STXBP5L: variants seen among roughly 807,000 people sequenced by gnomAD.
STXBP5L encodes the protein syntaxin-binding protein 5-like.
STXBP5L carries 65 observed loss-of-function variants against 144.5 expected under a neutral mutation model. That is an observed-to-expected ratio of 0.45 (90% CI 0.37 to 0.55). The LOEUF is 0.55. STXBP5L is among the 20% of genes least tolerant of loss of function. The pLI is 0.00. For synonymous variants in STXBP5L, 505 were observed against 469.6 expected (o/e 1.08, Z -0.97); for missense variants, 1,298 against 1,405.5 (o/e 0.92, Z 1.22).
intron 2 of STXBP5L, among the ~76,000 whole-genome samples, chr3:120,933,473 G>A (rs998386514): frequency 6.6e-6 from 1 of 151,906 alleles, no homozygotes; most frequent in Non-Finnish European, 1.5e-5. Flanking sequence ...CATAAATTGT[G>A]TGATATAAGA....
chr3:121,205,088 T>C (rs2048287057), intron 9 of STXBP5L, among the ~76,000 whole-genome samples: 1 of 152,252 alleles, frequency 6.6e-6, no homozygotes. Context: ...CAAGTATTTC[T>C]CTGTATGAAA....
At chr3:120,960,292 C>T (rs530897372) in intron 3 of STXBP5L, among the ~76,000 whole-genome samples, 2 of 117,646 alleles carry the variant, frequency 1.7e-5, no homozygotes, top group African/African-American at 3.0e-5. Flanking sequence ...GAAATAGGAA[C>T]ACTTTTACAC....
rs1455116418 is a variant in STXBP5L at position 121,257,663 on chromosome 3, G to A, written c.1832+330G>A. The stretch of plus-strand genomic sequence containing the variant: ...ATGTTTATGGGGTGTGATGGCTCAC[G>A]CCTGTATTCCCAACACTTTGGGAGG... On this transcript the variant is annotated intron_variant, in intron 17 of 26. Transcript: ENST00000471454. Among the ~76,000 whole-genome samples the A allele has an allele frequency of 2.6e-5, 4 of 152,158 alleles. 1 individual carries two copies. The highest frequency in any genetic ancestry group is 4.1e-4 in the South Asian group (2 of 4,832).
chr3:120,933,892 C>G (rs1318624095), intron 2 of STXBP5L, among the ~76,000 whole-genome samples: 1 of 151,816 alleles, frequency 6.6e-6, no homozygotes, highest in Non-Finnish European at 1.5e-5. Context: ...TTAAAAAAAT[C>G]TCCTTTATCT....
chr3:121,416,716 G>A (rs1431497409), intron 25 of STXBP5L, among the ~76,000 whole-genome samples: 3 of 151,710 alleles, frequency 2.0e-5, no homozygotes, highest in Non-Finnish European at 4.4e-5. Context: ...TGTTGGCTAG[G>A]TTGGTCTTGG....
chr3:121,091,716 G>T (rs1209330528), intron 5 of STXBP5L, among the ~76,000 whole-genome samples: 5 of 152,060 alleles, frequency 3.3e-5, no homozygotes, highest in East Asian at 3.9e-4. Context: ...TTTCTCCCAT[G>T]TTGTAGGTTG....
intron 3 of STXBP5L, among the ~76,000 whole-genome samples, chr3:121,011,938 C>T (rs2108139099): frequency 6.6e-6 from 1 of 151,902 alleles, no homozygotes; most frequent in African/African-American, 2.4e-5. Flanking sequence ...GAAAGAAACT[C>T]TGTACCTATT....
chr3:121,107,483 C>G (rs2107801580), intron 5 of STXBP5L, among the ~76,000 whole-genome samples: 1 of 152,218 alleles, frequency 6.6e-6, no homozygotes, highest in South Asian at 2.1e-4. Flanking sequence ...ATCCTTTCCC[C>G]ATTGCTTCTT....
At chr3:120,990,907 G>T (rs1320818066) in intron 3 of STXBP5L, among the ~76,000 whole-genome samples, 4 of 152,268 alleles carry the variant, frequency 2.6e-5, no homozygotes, top group Middle Eastern at 3.4e-3. Flanking sequence ...TACCATTCAG[G>T]TCATAGGCAT....
intron 5 of STXBP5L, among the ~76,000 whole-genome samples, chr3:121,089,807 A>T (rs958249846): frequency 3.9e-5 from 6 of 151,952 alleles, no homozygotes; most frequent in South Asian, 2.1e-4. Context: ...AATAAATATT[A>T]TTACATCCTC....
chr3:120,909,741 A>G lies in STXBP5L; in HGVS notation c.163A>G (p.Thr55Ala). Residue 55 changes from threonine (T) to alanine (A), a missense_variant, in exon 2 of 27, where the codon ACT becomes GCT. Transcript: ENST00000471454. ...VLREEIQETL[T>A]SEYFQICKTV... ...CAGAGAGGAAATTCAGGAAACTTTG[A>G]CTTCGGAGTATTTCCAGATTTGCAA... The G allele has an allele frequency of 2.5e-6, 4 of 1,612,010 alleles. No individual in the cohort carries two copies. Among genetic ancestry groups the G allele is most frequent in the Non-Finnish European group, 3.4e-6 (4 of 1,179,480 alleles).
chr3:121,371,147 C>T (rs1362965498), intron 20 of STXBP5L, among the ~76,000 whole-genome samples: 1 of 152,160 alleles, frequency 6.6e-6, no homozygotes, highest in Non-Finnish European at 1.5e-5. Context: ...GATGTTCTTG[C>T]AGTCTTTGAA....
chr3:121,097,943 A>G (rs1308522586), intron 5 of STXBP5L, among the ~76,000 whole-genome samples: 2 of 152,220 alleles, frequency 1.3e-5, no homozygotes, highest in Non-Finnish European at 1.5e-5. Flanking sequence ...CGTTGAACGT[A>G]AAGCCAAGCA....
intron 10 of STXBP5L, among the ~76,000 whole-genome samples, chr3:121,222,544 C>A (rs1221688138): frequency 6.6e-6 from 1 of 152,144 alleles, no homozygotes; most frequent in Non-Finnish European, 1.5e-5. Flanking sequence ...CCATTCTGAG[C>A]TTTCCACTGT....
At chr3:121,156,087 T>C (rs890785382) in intron 8 of STXBP5L, among the ~76,000 whole-genome samples, 2 of 151,990 alleles carry the variant, frequency 1.3e-5, no homozygotes, top group African/African-American at 4.8e-5. Context: ...TAACTTCCTC[T>C]GCTGGACCCT....
chr3:121,342,696 A>C (rs1466472706), intron 20 of STXBP5L, among the ~76,000 whole-genome samples: 4 of 151,326 alleles, frequency 2.6e-5, no homozygotes, highest in Non-Finnish European at 4.4e-5. Flanking sequence ...TTATGACTGC[A>C]TAGTATACCA....
intron 5 of STXBP5L, among the ~76,000 whole-genome samples, chr3:121,089,171 T>G (rs998459145): frequency 2.1e-5 from 3 of 145,064 alleles, no homozygotes; most frequent in Non-Finnish European, 4.5e-5. Context: ...AGTATATACA[T>G]AGTACATTTA....
intron 5 of STXBP5L, among the ~76,000 whole-genome samples, chr3:121,050,918 A>G (rs1947926224): frequency 6.6e-6 from 1 of 152,204 alleles, no homozygotes; most frequent in South Asian, 2.1e-4. Flanking sequence ...AAACAAAAAA[A>G]AGCAGGGGTT....
chr3:121,043,864 GT>G (rs1366169334), intron 4 of STXBP5L, among the ~76,000 whole-genome samples: 7 of 152,146 alleles, frequency 4.6e-5, no homozygotes, highest in Non-Finnish European at 8.8e-5. Flanking sequence ...TGTAGAGAAT[GT>G]TTTATTGTTG....
Sources: allele counts gnomAD v4.1 joint callset (sites outside exome capture counted in the v4.1 genomes callset), GRCh38; gene constraint gnomAD v4.1.1; transcripts MANE v1.5; gene names NCBI Gene and HGNC (gene_info 2026-07-23, HGNC 2026-07-21).